The following GRID1 variants were observed in gnomAD, a reference collection of about 807,000 sequenced individuals.
GRID1 encodes the protein glutamate ionotropic receptor delta type subunit 1.
In GRID1, 28 loss-of-function variants were observed where a neutral mutation model predicts 98.0. That is an observed-to-expected ratio of 0.29 (90% CI 0.21 to 0.39). The LOEUF (loss-of-function observed/expected upper bound fraction) is 0.39. Ranked by LOEUF, GRID1 falls within the 10% of genes least tolerant of loss-of-function variation. GRID1 has a pLI of 1.00. For missense variants in GRID1, 1,111 were observed against 1,340.5 expected (o/e 0.83, Z 2.67); for synonymous variants, 553 against 538.5 (o/e 1.03, Z -0.37).
Position 85,665,686 on chromosome 10 carries a change from G to T in GRID1, c.1998-18289C>A, listed in dbSNP as rs191189976. On this transcript the variant is annotated intron_variant, in intron 12 of 15. Coordinates refer to ENST00000327946, the MANE Select transcript of GRID1 (RefSeq NM_017551.3). ...AAAATAAAGGAGTATTGATTGCAAAGATTAATAACAGAGCTTAAGAAGGAA... is the reference window on the plus strand; with the variant it reads ...AAAATAAAGGAGTATTGATTGCAAATATTAATAACAGAGCTTAAGAAGGAA... Among the ~76,000 whole-genome samples the T allele has an allele frequency of 1.4e-3, 206 of 152,284 alleles. 1 individual carries two copies. Among genetic ancestry groups the T allele is most frequent in the African/African-American group, 4.7e-3 (196 of 41,558 alleles).
rs754946079 is a variant in GRID1 at position 86,267,594 on chromosome 10, G to A, written c.236-60946C>T. ...AGGCTGGATAGATGCATGCAGGGAC[G>A]GGGCCCTTGCTGGAGTTTCTGGGCA... On this transcript the variant is annotated intron_variant, in intron 2 of 15. Coordinates refer to ENST00000327946, the MANE Select transcript of GRID1 (RefSeq NM_017551.3). Among the ~76,000 whole-genome samples, 14 of 152,224 alleles carry A rather than the reference G, an allele frequency of 9.2e-5. 1 individual carries two copies. The highest frequency in any genetic ancestry group is 2.1e-4 in the South Asian group (1 of 4,836).
At chr10:86,314,550 G>A (rs7903365) in intron 2 of GRID1, among the ~76,000 whole-genome samples, 9,654 of 152,286 alleles carry the variant, frequency 0.063, 568 homozygotes, top group African/African-American at 0.15. Flanking sequence ...AGCTTCAGGT[G>A]TTCTGGGGGC....
intron 8 of GRID1, among the ~76,000 whole-genome samples, chr10:85,800,517 C>T (rs948343197): frequency 2.0e-5 from 3 of 151,810 alleles, no homozygotes; most frequent in African/African-American, 7.3e-5. Context: ...ACTATAACAA[C>T]AACAAAACCC....
intron 8 of GRID1, among the ~76,000 whole-genome samples, chr10:85,792,254 C>A (rs1055602496): frequency 1.3e-5 from 2 of 152,108 alleles, no homozygotes; most frequent in East Asian, 1.9e-4. Flanking sequence ...TGGCAGCAGT[C>A]GCAGCCACAG....
At chr10:86,174,089 C>G (rs1335388120) in intron 3 of GRID1, among the ~76,000 whole-genome samples, 3 of 152,086 alleles carry the variant, frequency 2.0e-5, no homozygotes, top group African/African-American at 7.2e-5. Context: ...TGGGTATATA[C>G]CCAGTAATGG....
At chr10:85,667,316 CAG>C (rs5786718) in intron 12 of GRID1, among the ~76,000 whole-genome samples, 4,375 of 147,686 alleles carry the variant, frequency 0.03, 156 homozygotes, top group African/African-American at 0.086. Flanking sequence ...CACACACACA[CAG>C]AGAGAGAGAG....
chr10:86,057,219 A>G (rs1228405801), intron 4 of GRID1, among the ~76,000 whole-genome samples: 1 of 152,184 alleles, frequency 6.6e-6, no homozygotes, highest in Non-Finnish European at 1.5e-5. Flanking sequence ...TTTTCAGAGA[A>G]CAGGACATTT....
intron 2 of GRID1, among the ~76,000 whole-genome samples, chr10:86,309,058 T>C (rs964447226): frequency 2.3e-4 from 35 of 152,366 alleles, no homozygotes; most frequent in African/African-American, 8.2e-4. Flanking sequence ...GGATATAGCC[T>C]ATACTCTATG....
In GRID1 at chr10:85,871,376, G is replaced by A. The variant is rs75185634; in HGVS notation, c.781-2196C>T. ...TGTATCATTTTCATGCCATTGTAAA[G>A]TCAAAAAATTGTAAGTCAAACCATT... On this transcript the variant is annotated intron_variant, in intron 5 of 15. Transcript: ENST00000327946. 3.9e-5 allele frequency among the ~76,000 whole-genome samples: 6 copies of A among 152,300 alleles called. No individual in the cohort carries two copies. In the East Asian group the frequency reaches 1.2e-3, roughly 29 times the overall value.
At chr10:85,801,304 C>A (rs1330232648) in intron 8 of GRID1, among the ~76,000 whole-genome samples, 1 of 151,746 alleles carries the variant, frequency 6.6e-6, no homozygotes, top group Non-Finnish European at 1.5e-5. Context: ...ACTAAATTTA[C>A]AAGATGCATG....
At position 85,723,096 on chromosome 10, in the gene GRID1, C is replaced by T; in HGVS notation, c.1904G>A (p.Gly635Asp). ...VNSMAMRIVM[G>D]SWWLFTLIVC... is the part of the protein sequence containing the mutation. ...AATGAGCGTGAAGAGCCACCAGCTGCCCATCACGATGCGCATGGCCATGGA... is the reference window on the plus strand; with the variant it reads ...AATGAGCGTGAAGAGCCACCAGCTGTCCATCACGATGCGCATGGCCATGGA... Residue 635 changes from glycine to aspartate, a missense_variant, in exon 12 of 16, where the codon GGC (glycine) becomes GAC (aspartate). This residue lies in a region of GRID1 where 762 missense variants were observed against 869.1 expected (regional missense o/e 0.88). Transcript: ENST00000327946. 6.2e-7 allele frequency: 1 copy of T among 1,611,674 alleles called. No individual in the cohort carries two copies. The highest frequency in any genetic ancestry group is 8.5e-7 in the Non-Finnish European group (1 of 1,178,902).
intron 3 of GRID1, among the ~76,000 whole-genome samples, chr10:86,180,350 C>T (rs766920503): frequency 6.6e-6 from 1 of 152,106 alleles, no homozygotes; most frequent in Non-Finnish European, 1.5e-5. Flanking sequence ...TGCCCAGGGC[C>T]ATGCTTGGGC....
At position 86,118,333 on chromosome 10, in the gene GRID1, GA is replaced by G. The variant is rs1020426743; in HGVS notation, c.726+20485del. 1.2e-3 allele frequency among the ~76,000 whole-genome samples: 180 copies of G among 152,204 alleles called. 1 individual carries two copies. Among genetic ancestry groups the G allele is most frequent in the African/African-American group, 4.1e-3 (171 of 41,526 alleles). ...TATATTGGACTTTGGAGACTCGGGG[GA>G]AAGGGTGGGGGCTGGCAAGGAATAA... On this transcript the variant is annotated intron_variant, in intron 4 of 15. Transcript: ENST00000327946.
intron 13 of GRID1, among the ~76,000 whole-genome samples, chr10:85,638,578 T>C (rs1047941003): frequency 1.3e-5 from 2 of 152,208 alleles, no homozygotes; most frequent in African/African-American, 4.8e-5. Flanking sequence ...TCAAGGCATG[T>C]AGTCAATTGA....
intron 8 of GRID1, among the ~76,000 whole-genome samples, chr10:85,771,895 C>G (rs768558339): frequency 5.9e-5 from 9 of 152,168 alleles, no homozygotes; most frequent in South Asian, 2.1e-4. Context: ...ACCCCACTGT[C>G]AACATTAGAC....
chr10:85,679,893 A>G (rs2132595029), intron 12 of GRID1, among the ~76,000 whole-genome samples: 1 of 152,292 alleles, frequency 6.6e-6, no homozygotes, highest in East Asian at 1.9e-4. Flanking sequence ...ATGCAGCATG[A>G]TAGAATTATG....
chr10:85,620,864 A>G (rs964051671), intron 13 of GRID1, among the ~76,000 whole-genome samples: 3 of 152,224 alleles, frequency 2.0e-5, no homozygotes, highest in Admixed American at 6.5e-5. Context: ...TCACATGCAT[A>G]TATGTTTGTA....
At chr10:86,327,318 T>C (rs1266565955) in intron 2 of GRID1, among the ~76,000 whole-genome samples, 2 of 152,142 alleles carry the variant, frequency 1.3e-5, no homozygotes, top group Non-Finnish European at 2.9e-5. Context: ...GGTTATATAT[T>C]AGTTATCTCT....
Position 86,114,057 on chromosome 10 carries a change from C to T in GRID1, c.726+24762G>A, listed in dbSNP as rs899375989. The stretch of plus-strand genomic sequence containing the variant: ...TAAGCACCTGAGTCCACAGCATTCA[C>T]ATTGGTTTCCTCCATCTCGGTGGGA... On this transcript the variant is annotated intron_variant, in intron 4 of 15. Transcript: ENST00000327946. Among the ~76,000 whole-genome samples, 3 of 152,134 alleles carry T rather than the reference C, an allele frequency of 2.0e-5. No homozygotes were observed. In the East Asian group the frequency reaches 5.8e-4, roughly 29 times the overall value.
Sources: allele counts gnomAD v4.1 joint callset (sites outside exome capture counted in the v4.1 genomes callset), GRCh38; gene constraint gnomAD v4.1.1; regional missense constraint gnomAD v4.1.1; transcripts MANE v1.5; gene names NCBI Gene and HGNC (gene_info 2026-07-23, HGNC 2026-07-21).